WIPF3: variants seen among roughly 807,000 people sequenced by gnomAD.
The protein encoded by WIPF3 is WAS/WASL interacting protein family member 3.
Under a neutral mutation model 38.9 loss-of-function variants are expected in WIPF3, and 33 were observed. The observed-to-expected ratio is 0.85, with a 90% CI of 0.64 to 1.14. The LOEUF (loss-of-function observed/expected upper bound fraction) is 1.14, where lower values mean the gene tolerates loss of function less well. WIPF3 is among the 50% of genes most tolerant of loss of function. WIPF3 has a pLI of 0.00. For synonymous variants in WIPF3, 324 were observed against 269.3 expected, an observed-to-expected ratio of 1.20 and a Z score of -1.99; for missense variants, 711 against 652.5, an observed-to-expected ratio of 1.09 and a Z score of -0.98.
At chr7:29,828,622 C>T (rs1348745397) in intron 1 of WIPF3, among the ~76,000 whole-genome samples, 4 of 152,298 alleles carry the variant, frequency 2.6e-5, no homozygotes, top group East Asian at 3.9e-4. Context: ...ATACTGGGCT[C>T]GTATTCCCAT....
chr7:29,890,910 G>T (rs1318818261), intron 7 of WIPF3, among the ~76,000 whole-genome samples: 8 of 136,862 alleles, frequency 5.8e-5, no homozygotes, highest in Admixed American at 1.5e-4. Flanking sequence ...GTGCTCAGGT[G>T]GGGGGAATGC....
chr7:29,818,754 A>G (rs1320826923), intron 1 of WIPF3, among the ~76,000 whole-genome samples: 1 of 152,024 alleles, frequency 6.6e-6, no homozygotes, highest in African/African-American at 2.4e-5. Context: ...AGTAGTGACA[A>G]TAGTGGACAT....
At chr7:29,873,783 C>G (rs1414076589) in intron 2 of WIPF3, among the ~76,000 whole-genome samples, 2 of 152,134 alleles carry the variant, frequency 1.3e-5, no homozygotes, top group Non-Finnish European at 2.9e-5. Flanking sequence ...AGCCTATGCC[C>G]TTCAAAACCT....
intron 2 of WIPF3, among the ~76,000 whole-genome samples, chr7:29,869,380 A>T (rs907326544): frequency 3.5e-4 from 54 of 152,302 alleles, no homozygotes; most frequent in Non-Finnish European, 5.3e-4. Flanking sequence ...CTCAAATCTT[A>T]AATAATATTG....
At chr7:29,841,337 T>G (rs1025117335) in intron 2 of WIPF3, among the ~76,000 whole-genome samples, 1 of 152,190 alleles carries the variant, frequency 6.6e-6, no homozygotes, top group African/African-American at 2.4e-5. Flanking sequence ...CCTCCTCATC[T>G]CCGTCGCTGA....
chr7:29,837,500 C>G (rs537512873), intron 2 of WIPF3, among the ~76,000 whole-genome samples: 1 of 152,296 alleles, frequency 6.6e-6, no homozygotes, highest in South Asian at 2.1e-4. Flanking sequence ...GGAATTTCTT[C>G]TTTAAAGATG....
intron 7 of WIPF3, among the ~76,000 whole-genome samples, chr7:29,890,844 G>A (rs1263758035): frequency 6.8e-6 from 1 of 146,308 alleles, no homozygotes; most frequent in African/African-American, 2.6e-5. Context: ...CTGTGCTCAG[G>A]TGGAGGGGAT....
At chr7:29,889,507 C>A in intron 7 of WIPF3, 100 bp downstream of exon 7, 1 of 856,966 alleles carries the variant, frequency 1.2e-6, no homozygotes, top group Non-Finnish European at 1.9e-6. Context: ...AGGATGATGT[C>A]ATGATTTCAC....
intron 8 of WIPF3, among the ~76,000 whole-genome samples, chr7:29,909,895 C>A (rs199791634): frequency 6.9e-4 from 69 of 99,410 alleles, no homozygotes; most frequent in South Asian, 1.2e-3. Flanking sequence ...AACCCTGTCT[C>A]AAAAAAAAAA....
At chr7:29,914,436 T>A in intron 8 of WIPF3, 57 bp from the exon 9 acceptor site, 1 of 1,386,512 alleles carries the variant, frequency 7.2e-7, no homozygotes, top group Admixed American at 2.6e-5. Context: ...GGAGGAAGGC[T>A]TTCATGTGCA....
chr7:29,842,445 G>T (rs895189487), intron 2 of WIPF3, among the ~76,000 whole-genome samples: 4 of 152,200 alleles, frequency 2.6e-5, no homozygotes, highest in African/African-American at 9.7e-5. Flanking sequence ...AGATTACAGT[G>T]AGAGGCTTAT....
Position 29,884,365 on chromosome 7 carries a change from G to GCCCC in WIPF3, c.872_875dup (p.Pro294AlafsTer25). The GCCCC allele has an allele frequency of 1.7e-6, 1 of 573,298 alleles. No homozygotes were observed. The allele number at this position is 573,298 out of a possible 1,614,324, so 35.5% of individuals were successfully genotyped here. The stretch of plus-strand genomic sequence containing the variant: ...TGCGCAAGATGCGCAGGAGCCTCCC[G>GCCCC]CCCCGCCGCCCCCGCTCCCCCCTTA... On this transcript the variant is annotated frameshift_variant, in exon 5 of 9. Coordinates refer to ENST00000242140, the MANE Select transcript of WIPF3 (RefSeq NM_001080529.3). LOFTEE classifies it high-confidence loss of function.
In WIPF3 at chr7:29,876,286, C is replaced by A. The variant is rs557179617; in HGVS notation, c.223+324C>A. On this transcript the variant is annotated intron_variant, in intron 3 of 8. Coordinates refer to ENST00000242140, the MANE Select transcript of WIPF3 (RefSeq NM_001080529.3). ...CCATTTTAAAGTGTTCAATCAGTGC[C>A]AATTATTATATTCACAATGTTGTTG... is the stretch of plus-strand genomic sequence containing the variant. Among the ~76,000 whole-genome samples, 11 of 152,228 alleles carry A rather than the reference C, an allele frequency of 7.2e-5. 1 individual carries two copies. In the South Asian group the frequency reaches 2.3e-3, roughly 32 times the overall value.
rs1369172427 is a variant in WIPF3 at position 29,878,239 on chromosome 7, A to G, written c.224-770A>G. On this transcript the variant is annotated intron_variant, in intron 3 of 8. Coordinates refer to ENST00000242140, the MANE Select transcript of WIPF3 (RefSeq NM_001080529.3). This position sits in a 1 kb window ranked among gnomAD's most constrained non-coding sequence, Gnocchi z 4.0. Reference sequence around the variant, plus strand: ...AGTAATGTACAATATTAATACTCAGAATAATCTGGCCACTTTCATCCACCA... The same window carrying G: ...AGTAATGTACAATATTAATACTCAGGATAATCTGGCCACTTTCATCCACCA... Among the ~76,000 whole-genome samples the G allele has an allele frequency of 6.6e-6, 1 of 152,244 alleles. No homozygotes were observed. Among genetic ancestry groups the G allele is most frequent in the Non-Finnish European group, 1.5e-5 (1 of 68,040 alleles).
intron 4 of WIPF3, among the ~76,000 whole-genome samples, chr7:29,882,167 AC>A (rs1365515695): frequency 5.3e-5 from 8 of 152,132 alleles, no homozygotes; most frequent in African/African-American, 1.9e-4. Flanking sequence ...TAACTGACTC[AC>A]TTTAAGGGTT....
At chr7:29,817,789 C>G (rs892972322) in intron 1 of WIPF3, among the ~76,000 whole-genome samples, 7 of 151,904 alleles carry the variant, frequency 4.6e-5, no homozygotes, top group African/African-American at 1.7e-4. Flanking sequence ...TTTTATTTTT[C>G]CATGTAAACT....
At chr7:29,881,491 T>A (rs923643258) in intron 4 of WIPF3, among the ~76,000 whole-genome samples, 2 of 152,196 alleles carry the variant, frequency 1.3e-5, no homozygotes, top group African/African-American at 4.8e-5. Context: ...AAATTTCTTT[T>A]AAAATCAGAA....
chr7:29,864,778 T>G (rs1057104113), intron 2 of WIPF3, among the ~76,000 whole-genome samples: 1 of 152,244 alleles, frequency 6.6e-6, no homozygotes, highest in African/African-American at 2.4e-5. Flanking sequence ...TATTCTTTCT[T>G]CCCTTGAGGC....
In WIPF3 at chr7:29,861,330, A is replaced by G. The variant is rs374476538; in HGVS notation, c.91-14500A>G. On this transcript the variant is annotated intron_variant, in intron 2 of 8. Transcript: ENST00000242140. The stretch of plus-strand genomic sequence containing the variant: ...CATGATATGGAAGCACTCATTTACT[A>G]TATTTGCTTATATTTGACCTTTTGT... Among the ~76,000 whole-genome samples, 43 of 152,296 alleles carry G rather than the reference A, an allele frequency of 2.8e-4. 3 individuals carry two copies. The highest frequency in any genetic ancestry group is 1.9e-3 in the East Asian group (10 of 5,192).
Sources: allele counts gnomAD v4.1 joint callset (sites outside exome capture counted in the v4.1 genomes callset), GRCh38; gene constraint gnomAD v4.1.1; non-coding constraint Gnocchi (gnomAD v3.1); transcripts MANE v1.5; gene names NCBI Gene and HGNC (gene_info 2026-07-23, HGNC 2026-07-21).